The following PRPSAP1 variants were observed in gnomAD, a reference collection of about 807,000 sequenced individuals.
PRPSAP1 encodes phosphoribosyl pyrophosphate synthase-associated protein 1.
Under a neutral mutation model 39.4 loss-of-function variants are expected in PRPSAP1, and 31 were observed. That is an observed-to-expected ratio of 0.79 (90% CI 0.59 to 1.06). PRPSAP1 has a LOEUF of 1.06. Ranked by LOEUF, PRPSAP1 falls within the 50% of genes least tolerant of loss-of-function variation. The pLI is 0.00. For synonymous variants in PRPSAP1, 212 were observed against 192.6 expected, an observed-to-expected ratio of 1.10 and a Z score of -0.83; for missense variants, 430 against 511.6, an observed-to-expected ratio of 0.84 and a Z score of 1.54.
chr17:76,334,341 C>CTG (rs547342100), intron 3 of PRPSAP1, among the ~76,000 whole-genome samples: 91 of 152,326 alleles, frequency 6.0e-4, no homozygotes, highest in Middle Eastern at 3.4e-3. Context: ...AGCAGAAAGC[C>CTG]TGCCATACAC....
At chr17:76,326,998 A>C (rs542412812) in intron 7 of PRPSAP1, among the ~76,000 whole-genome samples, 1 of 152,336 alleles carries the variant, frequency 6.6e-6, no homozygotes, top group Non-Finnish European at 1.5e-5. Context: ...TATGCTGGAA[A>C]TCTGTACTAT....
intron 7 of PRPSAP1, among the ~76,000 whole-genome samples, chr17:76,326,196 G>A (rs1344031445): frequency 3.3e-5 from 5 of 152,136 alleles, no homozygotes; most frequent in Non-Finnish European, 7.3e-5. Context: ...AATGAATAGG[G>A]AAGAAGAGAA....
chr17:76,339,990 G>A (rs1368022224), intron 3 of PRPSAP1, among the ~76,000 whole-genome samples: 1 of 151,414 alleles, frequency 6.6e-6, no homozygotes, highest in Non-Finnish European at 1.5e-5. Flanking sequence ...AATTAGCCAT[G>A]CATGGTGGCA....
intron 7 of PRPSAP1, chr17:76,314,711 T>C (rs747633300): frequency 2.0e-5 from 3 of 152,386 alleles, no homozygotes; most frequent in Non-Finnish European, 4.4e-5. Flanking sequence ...TTGGTGTGTG[T>C]TTTATACGCA....
intron 7 of PRPSAP1, among the ~76,000 whole-genome samples, chr17:76,322,084 T>C (rs1422885902): frequency 2.6e-5 from 4 of 152,186 alleles, no homozygotes; most frequent in Non-Finnish European, 5.9e-5. Flanking sequence ...ACTAAGATAA[T>C]TGATAAAAGT....
rs138247677 is a variant in PRPSAP1, at chr17:76,353,637, G to C, written c.67C>G (p.Arg23Gly). Reference sequence around the variant, plus strand: ...TTCATGGCCGGCGGGGGAACGGGGCGGGCGCGCGGGACGCGGAAAGCCGAG... The same window carrying C: ...TTCATGGCCGGCGGGGGAACGGGGCCGGCGCGCGGGACGCGGAAAGCCGAG... ...ASSAFRVPRA[R>G]PVPPPAMNAA... Residue 23 changes from arginine (R) to glycine (G), a missense_variant, in exon 1 of 10, where the codon CGC becomes GGC. Coordinates refer to ENST00000446526, the MANE Select transcript of PRPSAP1 (RefSeq NM_002766.3). The C allele has an allele frequency of 2.1e-5, 32 of 1,538,726 alleles. No individual in the cohort carries two copies. The South Asian group carries it at 3.3e-4, about 16-fold the overall frequency.
At chr17:76,345,107 T>C (rs8073205) in intron 2 of PRPSAP1, among the ~76,000 whole-genome samples, 45,774 of 150,692 alleles carry the variant, frequency 0.3, 10,294 homozygotes, top group African/African-American at 0.65. Flanking sequence ...TGGTGGCGGG[T>C]GCCTGTAGTC....
intron 3 of PRPSAP1, among the ~76,000 whole-genome samples, chr17:76,336,916 C>T (rs746106175): frequency 4.6e-5 from 7 of 151,940 alleles, no homozygotes; most frequent in East Asian, 1.9e-4. Flanking sequence ...TGAGAGATAC[C>T]GGACAAATTG....
chr17:76,353,837 T>A lies in PRPSAP1; in HGVS notation c.-134A>T, dbSNP rs187023074. The A allele has an allele frequency of 5.8e-4, 798 of 1,377,796 alleles. 9 individuals are homozygous for A. In the East Asian group the frequency reaches 0.017, roughly 29 times the overall value. The allele number at this position is 1,377,796 out of a possible 1,614,324, so 85.3% of individuals were successfully genotyped here. A position where few individuals can be genotyped will look rare whatever the true frequency, so the allele number is the denominator to read the frequency against. On this transcript the variant is annotated 5_prime_UTR_variant, in exon 1 of 10. Coordinates refer to ENST00000446526, the MANE Select transcript of PRPSAP1 (RefSeq NM_002766.3). ...CAAGCGGGGAGAGCTCCGAGGTCCGTGCCCTTGCGCACCCCACACCACTGA... is the reference window on the plus strand; with the variant it reads ...CAAGCGGGGAGAGCTCCGAGGTCCGAGCCCTTGCGCACCCCACACCACTGA...
At chr17:76,319,497 C>G (rs762708536) in intron 7 of PRPSAP1, 1 of 152,016 alleles carries the variant, frequency 6.6e-6, no homozygotes, top group African/African-American at 2.4e-5. Context: ...TAGACGGAGT[C>G]TTGCTCTGTC....
At chr17:76,325,476 GAAAGA>G (rs1042727734) in intron 7 of PRPSAP1, among the ~76,000 whole-genome samples, 3 of 105,822 alleles carry the variant, frequency 2.8e-5, no homozygotes, top group Admixed American at 9.5e-5. Flanking sequence ...TTAAAAAAAA[GAAAGA>G]AAAGAAATTT....
intron 1 of PRPSAP1, among the ~76,000 whole-genome samples, chr17:76,349,094 TGAGGTCGG>T (rs1322457440): frequency 2.0e-5 from 3 of 152,054 alleles, no homozygotes; most frequent in Non-Finnish European, 2.9e-5. Context: ...GCGGATCACC[TGAGGTCGG>T]GAGTTTGAGA....
At chr17:76,323,296 T>C (rs1624400) in intron 7 of PRPSAP1, among the ~76,000 whole-genome samples, 120,240 of 146,306 alleles carry the variant, frequency 0.82, 49,708 homozygotes, top group African/African-American at 0.86. Flanking sequence ...GAGCCGAGAT[T>C]GCGCCACTGC....
chr17:76,344,620 T>C lies in PRPSAP1; in HGVS notation c.290+51A>G, dbSNP rs1428668147. On this transcript the variant is annotated intron_variant, in intron 3 of 9. Coordinates refer to ENST00000446526, the MANE Select transcript of PRPSAP1 (RefSeq NM_002766.3). Reference sequence around the variant, plus strand: ...TTGTTCATATGAAAAGATAATCAATTATATTGTTAAGGTTTTTACAGAAAA... The same window carrying C: ...TTGTTCATATGAAAAGATAATCAATCATATTGTTAAGGTTTTTACAGAAAA... 3 of 1,340,006 alleles carry C rather than the reference T, an allele frequency of 2.2e-6. No individual in the cohort carries two copies. In the East Asian group the frequency reaches 6.9e-5, roughly 31 times the overall value. The allele number at this position is 1,340,006 out of a possible 1,614,324, so 83.0% of individuals were successfully genotyped here.
At chr17:76,322,856 C>T (rs1209831819) in intron 7 of PRPSAP1, among the ~76,000 whole-genome samples, 2 of 151,944 alleles carry the variant, frequency 1.3e-5, no homozygotes, top group Admixed American at 6.6e-5. Flanking sequence ...TGTGGTGGCA[C>T]GTACCTGTGG....
chr17:76,317,431 G>A (rs1198808367), intron 7 of PRPSAP1, among the ~76,000 whole-genome samples: 1 of 152,186 alleles, frequency 6.6e-6, no homozygotes, highest in Admixed American at 6.5e-5. Flanking sequence ...GGCTGAGGCA[G>A]GAGAATTGCT....
Position 76,318,504 on chromosome 17 carries a change from A to G in PRPSAP1, c.782-4613T>C, listed in dbSNP as rs78617439. 6.3e-3 allele frequency among the ~76,000 whole-genome samples: 954 copies of G among 152,256 alleles called. 11 individuals are homozygous for G. The highest frequency in any genetic ancestry group is 0.022 in the African/African-American group (906 of 41,554). ...ATAGTTCATCTTCCTAAAAAATGCAAAGAGTCCAAGGTTGAATATTTATTC... is the reference window on the plus strand; with the variant it reads ...ATAGTTCATCTTCCTAAAAAATGCAGAGAGTCCAAGGTTGAATATTTATTC... On this transcript the variant is annotated intron_variant, in intron 7 of 9. Transcript: ENST00000446526.
intron 3 of PRPSAP1, among the ~76,000 whole-genome samples, chr17:76,333,808 T>A (rs2143508683): frequency 6.6e-6 from 1 of 152,346 alleles, no homozygotes; most frequent in Middle Eastern, 3.4e-3. Context: ...AAATTTGGAT[T>A]GCTAGCTTTT....
rs755259438 is a variant in PRPSAP1 at position 76,312,940 on chromosome 17, T to C, written c.929A>G (p.Tyr310Cys). ...CAGGATGCCGTGGGTGGCCATAACA[T>C]AGATCTTATAGGCGCCTCTCTCTTT... is the stretch of plus-strand genomic sequence containing the variant. Reference protein sequence around the residue: ...ILKERGAYKIYVMATHGILSA... With the variant: ...ILKERGAYKICVMATHGILSA... Residue 310 changes from tyrosine to cysteine, a missense_variant, in exon 9 of 10, where the codon TAT (tyrosine) becomes TGT (cysteine). Coordinates refer to ENST00000446526, the MANE Select transcript of PRPSAP1 (RefSeq NM_002766.3). 64 of 1,613,996 alleles carry C rather than the reference T, an allele frequency of 4.0e-5. No individual in the cohort carries two copies. Among genetic ancestry groups the C allele is most frequent in the Non-Finnish European group, 5.0e-5 (59 of 1,180,018 alleles).
Sources: allele counts gnomAD v4.1 joint callset (sites outside exome capture counted in the v4.1 genomes callset), GRCh38; gene constraint gnomAD v4.1.1; transcripts MANE v1.5; gene names NCBI Gene and HGNC (gene_info 2026-07-23, HGNC 2026-07-21).